Variants in MYO16 observed in about 807,000 individuals in gnomAD.
MYO16 encodes the protein myosin XVI.
A neutral mutation model predicts 205.3 loss-of-function variants in MYO16; 94 were observed. The ratio of observed to expected loss-of-function variants is 0.46; its 90% CI spans 0.39 to 0.54. MYO16 has a LOEUF of 0.54. Among genes scored for constraint, MYO16 ranks in the 20% least tolerant of loss-of-function variants. The pLI is 0.00. For synonymous variants in MYO16, 988 were observed against 954.0 expected, an observed-to-expected ratio of 1.04 and a Z score of -0.66; for missense variants, 2,315 against 2,387.5, an observed-to-expected ratio of 0.97 and a Z score of 0.63.
chr13:108,942,785 T>G (rs1286805867), intron 16 of MYO16, among the ~76,000 whole-genome samples: 2 of 152,192 alleles, frequency 1.3e-5, no homozygotes, highest in Non-Finnish European at 2.9e-5. Context: ...ACTTACTATC[T>G]TAAATCAGCA....
intron 4 of MYO16, among the ~76,000 whole-genome samples, chr13:108,774,682 G>A (rs957435417): frequency 2.7e-4 from 41 of 152,122 alleles, no homozygotes; most frequent in Non-Finnish European, 4.0e-4. Flanking sequence ...TAAGACAAAG[G>A]CTAACAAGTA....
chr13:108,710,278 G>A (rs755289025), intron 2 of MYO16, among the ~76,000 whole-genome samples: 2 of 152,122 alleles, frequency 1.3e-5, no homozygotes, highest in Non-Finnish European at 2.9e-5. Flanking sequence ...TAAAGCAAAG[G>A]TAATAAAGAT....
At chr13:108,612,268 G>GAAAGGAATCCTTAACAAGGAA (rs1226475801) in intron 1 of MYO16, among the ~76,000 whole-genome samples, 3 of 152,046 alleles carry the variant, frequency 2.0e-5, no homozygotes, top group Non-Finnish European at 1.5e-5. Context: ...AATGCTTAAG[G>GAAAGGAATCCTTAACAAGGAA]AAAGGAATCC....
At chr13:108,828,016 T>C (rs1422563291) in intron 9 of MYO16, among the ~76,000 whole-genome samples, 2 of 152,182 alleles carry the variant, frequency 1.3e-5, no homozygotes, top group African/African-American at 4.8e-5. Flanking sequence ...TTTGTAATAA[T>C]AACAACAGTT....
chr13:108,700,204 A>G (rs1325176456), intron 2 of MYO16, among the ~76,000 whole-genome samples: 1 of 151,464 alleles, frequency 6.6e-6, no homozygotes, highest in East Asian at 1.9e-4. Flanking sequence ...GTGGTGGCAG[A>G]CTCCTGTAAT....
intron 1 of MYO16, among the ~76,000 whole-genome samples, chr13:108,656,878 A>G (rs1200358940): frequency 6.6e-6 from 1 of 152,186 alleles, no homozygotes; most frequent in Non-Finnish European, 1.5e-5. Context: ...AAAGTTAAAG[A>G]AAAAGCAATC....
At chr13:109,151,831 C>T (rs1010269764) in intron 32 of MYO16, among the ~76,000 whole-genome samples, 2 of 152,172 alleles carry the variant, frequency 1.3e-5, no homozygotes, top group African/African-American at 4.8e-5. Flanking sequence ...TTCCATGTCA[C>T]TAAAAAGCAA....
At chr13:108,715,220 T>C (rs1440101071) in intron 3 of MYO16, among the ~76,000 whole-genome samples, 1 of 152,202 alleles carries the variant, frequency 6.6e-6, no homozygotes, top group East Asian at 1.9e-4. Context: ...CCGTGTGCTC[T>C]TGCCGGGTTT....
chr13:108,925,953 C>T (rs766639368), intron 16 of MYO16, among the ~76,000 whole-genome samples: 1 of 152,204 alleles, frequency 6.6e-6, no homozygotes, highest in Non-Finnish European at 1.5e-5. Context: ...CAGAATTCAT[C>T]CTCCTCCCCT....
At chr13:108,524,359 C>T in the MYO16 span, among the ~76,000 whole-genome samples, 3 of 151,736 alleles carry the variant, frequency 2.0e-5, no homozygotes, top group African/African-American at 7.3e-5. Flanking sequence ...GTGGCACTTC[C>T]CCTGACTCTC....
chr13:108,704,975 C>A (rs1487300957), intron 2 of MYO16, among the ~76,000 whole-genome samples: 9 of 150,712 alleles, frequency 6.0e-5, no homozygotes, highest in Non-Finnish European at 8.9e-5. Flanking sequence ...CCAAACCAAA[C>A]CAAAACAAAA....
At chr13:109,164,841 A>C in intron 32 of MYO16, 60 bp from the exon 33 acceptor site, 2 of 832,318 alleles carry the variant, frequency 2.4e-6, no homozygotes, top group Non-Finnish European at 3.4e-6. Context: ...CAAATGTTTT[A>C]TTCAGTATAT....
chr13:109,068,159 T>A (rs1887813074), intron 27 of MYO16, among the ~76,000 whole-genome samples: 1 of 152,152 alleles, frequency 6.6e-6, no homozygotes, highest in Admixed American at 6.5e-5. Context: ...CATAAAAAAA[T>A]TCAGTCCCAG....
intron 22 of MYO16, among the ~76,000 whole-genome samples, chr13:109,010,008 C>T (rs1361593041): frequency 6.6e-6 from 1 of 152,216 alleles, no homozygotes; most frequent in Non-Finnish European, 1.5e-5. Flanking sequence ...TTCTCTTCCA[C>T]TGCTAACCAG....
chr13:108,611,007 A>G (rs1926538), intron 1 of MYO16, among the ~76,000 whole-genome samples: 23 of 151,996 alleles, frequency 1.5e-4, no homozygotes, highest in African/African-American at 5.3e-4. Context: ...AGCCATCATG[A>G]TTTGAATGAT....
chr13:108,806,540 C>A, intron 6 of MYO16, 139 bp from the exon 7 acceptor site: 1 of 574,040 alleles, frequency 1.7e-6, no homozygotes, highest in East Asian at 3.0e-5. Flanking sequence ...AATAAAATTG[C>A]ATGTATGTTC....
At chr13:108,985,215 C>A (rs1450868811) in intron 20 of MYO16, among the ~76,000 whole-genome samples, 2 of 152,200 alleles carry the variant, frequency 1.3e-5, no homozygotes, top group Non-Finnish European at 2.9e-5. Context: ...TAGTGGACAG[C>A]TGAGTTGACT....
In MYO16 at chr13:109,164,992, T is replaced by A. The variant is rs193248250; in HGVS notation, c.5256T>A (p.His1752Gln). The A allele has an allele frequency of 1.2e-6, 2 of 1,606,256 alleles. No individual in the cohort carries two copies. The highest frequency in any genetic ancestry group is 4.5e-5 in the East Asian group (2 of 44,446). ...SETQDRNANN[H>Q]GIQLSNSLSS... ...CTCAAGACAGAAATGCAAATAACCA[T>A]GGAATTCAGTTATCTAATTCACTAT... Residue 1752 changes from histidine to glutamine, a missense_variant, in exon 33 of 35, where the codon CAT becomes CAA. Around this residue, in one of 3 missense-constraint regions of MYO16, gnomAD observed 1,097 missense variants for 1,092.0 expected, o/e 1.00. Coordinates refer to ENST00000457511, the MANE Select transcript of MYO16 (RefSeq NM_001198950.3).
chr13:108,953,616 A>C (rs1457540443), intron 16 of MYO16, among the ~76,000 whole-genome samples: 1 of 150,920 alleles, frequency 6.6e-6, no homozygotes, highest in Non-Finnish European at 1.5e-5. Context: ...ATATGTCTCC[A>C]GATTCTTGGT....
Sources: gnomAD v4.1 joint callset for allele counts (sites outside exome capture counted in the v4.1 genomes callset) on GRCh38, gnomAD v4.1.1 for gene constraint, gnomAD v4.1.1 regional missense constraint, MANE v1.5 for transcripts, NCBI Gene and HGNC (gene_info 2026-07-23, HGNC 2026-07-21) for gene names.